Variants in KIAA1217 observed in about 807,000 individuals in gnomAD.
The protein encoded by KIAA1217 is sickle tail protein homolog.
Under a neutral mutation model 163.9 loss-of-function variants are expected in KIAA1217, and 88 were observed. That is an observed-to-expected ratio of 0.54 (90% CI 0.45 to 0.64). The LOEUF is 0.64. Among genes scored for constraint, KIAA1217 ranks in the 30% least tolerant of loss-of-function variants. KIAA1217 has a pLI of 0.00. For synonymous variants in KIAA1217, 903 were observed against 923.1 expected (o/e 0.98, Z 0.39); for missense variants, 2,372 against 2,475.0 (o/e 0.96, Z 0.88).
At position 23,982,508 on chromosome 10, in the gene KIAA1217, C is replaced by T. The variant is rs1200779541; in HGVS notation, c.-320-24717C>T. Among the ~76,000 whole-genome samples, 3 of 148,330 alleles carry T rather than the reference C, an allele frequency of 2.0e-5. No individual in the cohort carries two copies. The Admixed American group carries it at 2.0e-4, about 10-fold the overall frequency. On this transcript the variant is annotated intron_variant, in intron 1 of 18. Coordinates refer to the KIAA1217 transcript ENST00000376462. ...AAATAGTGGAAACTTTGTATTTCCTCTGTATTGCTCTGTTTTTTGTTTCTC... is the reference window on the plus strand; with the variant it reads ...AAATAGTGGAAACTTTGTATTTCCTTTGTATTGCTCTGTTTTTTGTTTCTC...
chr10:23,755,273 T>C (rs1333608301), intron 1 of KIAA1217, among the ~76,000 whole-genome samples: 1 of 152,160 alleles, frequency 6.6e-6, no homozygotes, highest in African/African-American at 2.4e-5. Context: ...CCTAGGAACA[T>C]GAATCTGTAG....
At chr10:24,390,954 A>G (rs946081257) in intron 3 of KIAA1217, among the ~76,000 whole-genome samples, 1 of 152,174 alleles carries the variant, frequency 6.6e-6, no homozygotes, top group East Asian at 1.9e-4. Flanking sequence ...ATGTGGATTC[A>G]TGATGCATTT....
intron 1 of KIAA1217, among the ~76,000 whole-genome samples, chr10:23,985,035 G>A (rs1845915212): frequency 6.6e-6 from 1 of 151,876 alleles, no homozygotes; most frequent in Admixed American, 6.6e-5. Context: ...TAGACTAAAA[G>A]AAGTCCTTTG....
intron 2 of KIAA1217, among the ~76,000 whole-genome samples, chr10:24,133,461 A>G (rs1005753645): frequency 5.9e-5 from 9 of 151,884 alleles, no homozygotes; most frequent in Admixed American, 2.0e-4. Context: ...AATCCCATCT[A>G]CTGGGGAGGG....
chr10:24,299,451 G>A (rs2041028397), intron 2 of KIAA1217, among the ~76,000 whole-genome samples: 1 of 152,010 alleles, frequency 6.6e-6, no homozygotes, highest in Non-Finnish European at 1.5e-5. Flanking sequence ...TTGCTCTGTT[G>A]CCCAGGCTCT....
At chr10:23,930,945 G>A (rs1240147151) in intron 1 of KIAA1217, among the ~76,000 whole-genome samples, 1 of 152,112 alleles carries the variant, frequency 6.6e-6, no homozygotes, top group Non-Finnish European at 1.5e-5. Flanking sequence ...TTATACAGGA[G>A]TTCTAGTTCA....
intron 2 of KIAA1217, among the ~76,000 whole-genome samples, chr10:24,375,554 C>T (rs936359259): frequency 2.0e-5 from 3 of 152,196 alleles, no homozygotes; most frequent in Non-Finnish European, 2.9e-5. Context: ...TTCTCTTCAA[C>T]TGAAATCAGA....
chr10:24,458,651 C>T (rs1003628738), intron 5 of KIAA1217, among the ~76,000 whole-genome samples: 2 of 152,222 alleles, frequency 1.3e-5, no homozygotes, highest in South Asian at 4.1e-4. Context: ...CCAGTTTGTT[C>T]ATCTGTGAAA....
rs982774776 is a variant in KIAA1217 at position 24,227,458 on chromosome 10, C to A, written c.354+7549C>A. On this transcript the variant is annotated intron_variant, in intron 2 of 20. Transcript: ENST00000376454. ...ACAGGTGTGAGCCACCGCACCTGGT[C>A]GGGATTATTCTTTAACATGAACATT... is the stretch of plus-strand genomic sequence containing the variant. Among the ~76,000 whole-genome samples, 5 of 151,704 alleles carry A rather than the reference C, an allele frequency of 3.3e-5. No individual in the cohort carries two copies. The East Asian group carries it at 7.8e-4, about 24-fold the overall frequency.
At chr10:24,241,244 C>G (rs2073057130) in intron 2 of KIAA1217, among the ~76,000 whole-genome samples, 1 of 152,048 alleles carries the variant, frequency 6.6e-6, no homozygotes, top group South Asian at 2.1e-4. Flanking sequence ...ACTGCCTGCA[C>G]TTTTTCTCAT....
At chr10:23,710,185 C>CT (rs113471903) in intron 1 of KIAA1217, among the ~76,000 whole-genome samples, 21,051 of 152,136 alleles carry the variant, frequency 0.14, 2,475 homozygotes, top group African/African-American at 0.32. Context: ...GCAGACTGCA[C>CT]TTTTTCTAGG....
At chr10:24,405,048 T>C (rs2131191432) in intron 3 of KIAA1217, among the ~76,000 whole-genome samples, 1 of 152,308 alleles carries the variant, frequency 6.6e-6, no homozygotes, top group Admixed American at 6.5e-5. Flanking sequence ...TACAATTATC[T>C]TAATTGTGTT....
chr10:23,790,947 G>T (rs963433808), intron 1 of KIAA1217, among the ~76,000 whole-genome samples: 1 of 151,926 alleles, frequency 6.6e-6, no homozygotes, highest in Non-Finnish European at 1.5e-5. Flanking sequence ...CGTTGCCAGG[G>T]TGGTCTCAAA....
At chr10:24,446,158 T>C (rs1165591750) in intron 5 of KIAA1217, among the ~76,000 whole-genome samples, 2 of 152,232 alleles carry the variant, frequency 1.3e-5, no homozygotes, top group African/African-American at 2.4e-5. Context: ...TTCATGTGTT[T>C]TTTGGCTGCA....
At chr10:24,221,475 C>T (rs1188211115) in intron 2 of KIAA1217, among the ~76,000 whole-genome samples, 1 of 152,174 alleles carries the variant, frequency 6.6e-6, no homozygotes, top group Non-Finnish European at 1.5e-5. Flanking sequence ...CTAACTCACT[C>T]AGCCTTTGAT....
At chr10:24,211,665 T>A (rs571987006) in intron 1 of KIAA1217, among the ~76,000 whole-genome samples, 23 of 151,724 alleles carry the variant, frequency 1.5e-4, no homozygotes, top group Non-Finnish European at 3.4e-4. Context: ...TCTTTTTAAA[T>A]GGGGTAATAC....
intron 2 of KIAA1217, among the ~76,000 whole-genome samples, chr10:24,286,003 C>T (rs746776105): frequency 1.5e-4 from 23 of 152,060 alleles, no homozygotes; most frequent in Admixed American, 4.6e-4. Context: ...CTTCATTTGG[C>T]TCTCAGCTTG....
At chr10:23,811,831 G>C (rs2130986688) in intron 1 of KIAA1217, among the ~76,000 whole-genome samples, 1 of 152,288 alleles carries the variant, frequency 6.6e-6, no homozygotes, top group South Asian at 2.1e-4. Context: ...TGCTTTCTAA[G>C]AGGATGCTGT....
intron 1 of KIAA1217, among the ~76,000 whole-genome samples, chr10:23,765,457 G>T (rs1834465232): frequency 6.6e-6 from 1 of 152,054 alleles, no homozygotes; most frequent in African/African-American, 2.4e-5. Context: ...ACAGGTGTGA[G>T]CCACCACGCC....
Sources: gnomAD v4.1 joint callset for allele counts (sites outside exome capture counted in the v4.1 genomes callset) on GRCh38, gnomAD v4.1.1 for gene constraint, MANE v1.5 for transcripts, NCBI Gene and HGNC (gene_info 2026-07-23, HGNC 2026-07-21) for gene names.